Variants in RTL4 observed in about 807,000 individuals in gnomAD.
The protein encoded by RTL4 is retrotransposon Gag like 4, also known as retrotransposon Gag-like protein 4.
Under a neutral mutation model 5.3 loss-of-function variants are expected in RTL4, and 4 were observed. That is an observed-to-expected ratio of 0.75 (90% confidence interval 0.37 to 1.72). The LOEUF (loss-of-function observed/expected upper bound fraction) is 1.72, where lower values mean the gene tolerates loss of function less well. RTL4 is among the 40% of genes most tolerant of loss of function. RTL4 has a pLI of 0.04. For missense variants in RTL4, 260 were observed against 227.1 expected, an observed-to-expected ratio of 1.14 and a Z score of -0.93; for synonymous variants, 98 against 87.3, an observed-to-expected ratio of 1.12 and a Z score of -0.68.
chrX:112,406,514 T>A, the RTL4 span, among the ~76,000 whole-genome samples: 1 of 110,931 alleles, frequency 9.0e-6, no homozygotes, highest in Non-Finnish European at 1.9e-5. Context: ...GCTAAACCAT[T>A]CATGAGAAAC....
chrX:112,283,935 G>A, the RTL4 span, among the ~76,000 whole-genome samples: 1 of 109,811 alleles, frequency 9.1e-6, no homozygotes, highest in Non-Finnish European at 1.9e-5. Context: ...TACCAATCTA[G>A]CACCTACGTA....
chrX:112,124,229 A>G, the RTL4 span, among the ~76,000 whole-genome samples: 10 of 112,084 alleles, frequency 8.9e-5, no homozygotes, highest in Non-Finnish European at 1.9e-4. Context: ...GTGGGAATAT[A>G]AATTAGTCCA....
the RTL4 span, among the ~76,000 whole-genome samples, chrX:112,385,942 G>A: frequency 8.9e-6 from 1 of 111,849 alleles, no homozygotes; most frequent in Non-Finnish European, 1.9e-5. Context: ...GGATTTACTG[G>A]GAAGGGATGT....
At chrX:112,117,240 A>T in the RTL4 span, among the ~76,000 whole-genome samples, 11 of 108,571 alleles carry the variant, frequency 1.0e-4, no homozygotes, top group African/African-American at 3.4e-4. Context: ...CATAATCGTT[A>T]TATGGTAAAT....
At chrX:112,192,077 T>G in the RTL4 span, among the ~76,000 whole-genome samples, 1 of 57,465 alleles carries the variant, frequency 1.7e-5, no homozygotes, top group Admixed American at 1.8e-4. Context: ...ATACTAGGGT[T>G]TTTTTTTTTT....
the RTL4 span, among the ~76,000 whole-genome samples, chrX:112,419,552 G>A: frequency 1.5e-4 from 1 of 6,822 alleles, no homozygotes; most frequent in African/African-American, 2.0e-4. Context: ...TAGAGGCAGG[G>A]TTTCACTATG....
chrX:112,343,325 A>G, the RTL4 span, among the ~76,000 whole-genome samples: 4 of 111,540 alleles, frequency 3.6e-5, no homozygotes, highest in East Asian at 8.5e-4. Flanking sequence ...TCCACTCTTT[A>G]GTGATAGTAG....
chrX:112,456,759 A>C, exon 1 of RTL4: 1 of 141,680 alleles, frequency 7.1e-6, no homozygotes, highest in Non-Finnish European at 1.5e-5. Context: ...CATCTAATTG[A>C]GGATCTTAAA....
chrX:112,330,242 A>T, the RTL4 span, among the ~76,000 whole-genome samples: 1 of 109,133 alleles, frequency 9.2e-6, no homozygotes. Context: ...AGATAACATC[A>T]TTGTATATCT....
At chrX:112,275,740 A>G in the RTL4 span, among the ~76,000 whole-genome samples, 1 of 111,241 alleles carries the variant, frequency 9.0e-6, no homozygotes, top group Non-Finnish European at 1.9e-5. Flanking sequence ...GTTTCAGACC[A>G]GCCTGGACAA....
chrX:112,302,455 C>T, the RTL4 span, among the ~76,000 whole-genome samples: 1 of 111,237 alleles, frequency 9.0e-6, no homozygotes, highest in East Asian at 2.8e-4. Flanking sequence ...CGGTAAATTG[C>T]TATTTTGTTA....
the RTL4 span, among the ~76,000 whole-genome samples, chrX:112,343,138 T>C: frequency 2.7e-5 from 3 of 112,295 alleles, no homozygotes; most frequent in African/African-American, 9.7e-5. Flanking sequence ...GTCTGTCTAT[T>C]ATCATACTGC....
chrX:112,456,780 T>C (rs1908220622), exon 1 of RTL4: 2 of 130,755 alleles, frequency 1.5e-5, no homozygotes, highest in African/African-American at 6.4e-5. Flanking sequence ...AAACAATGAA[T>C]GGCAAAAAAC....
At chrX:112,108,174 AT>A in the RTL4 span, among the ~76,000 whole-genome samples, 2 of 111,581 alleles carry the variant, frequency 1.8e-5, no homozygotes, top group Admixed American at 1.9e-4. Context: ...TAATCTCTCC[AT>A]TAAATTTATC....
At chrX:112,248,720 A>G in the RTL4 span, among the ~76,000 whole-genome samples, 1 of 111,970 alleles carries the variant, frequency 8.9e-6, no homozygotes, top group African/African-American at 3.3e-5. Context: ...TAACTGTCCC[A>G]TGGTGGTTTG....
chrX:112,272,854 T>G, the RTL4 span, among the ~76,000 whole-genome samples: 1 of 111,362 alleles, frequency 9.0e-6, no homozygotes, highest in Admixed American at 9.6e-5. Context: ...GTGTGCCTAT[T>G]GTAAATGCTT....
the RTL4 span, among the ~76,000 whole-genome samples, chrX:112,163,413 G>T: frequency 9.0e-6 from 1 of 111,309 alleles, no homozygotes; most frequent in Non-Finnish European, 1.9e-5. Context: ...TCTGATCAAG[G>T]GGTTGTATTC....
the RTL4 span, among the ~76,000 whole-genome samples, chrX:112,398,199 CT>C: frequency 9.1e-6 from 1 of 110,420 alleles, no homozygotes; most frequent in Non-Finnish European, 1.9e-5. Flanking sequence ...GGAACTGGTG[CT>C]GGTTTTTGTC....
chrX:112,116,020 G>A, the RTL4 span, among the ~76,000 whole-genome samples: 18 of 111,919 alleles, frequency 1.6e-4, no homozygotes, highest in South Asian at 3.8e-4. Flanking sequence ...AGAAGTACAG[G>A]AAAAGTGGAA....
Sources: allele counts gnomAD v4.1 joint callset (sites outside exome capture counted in the v4.1 genomes callset), GRCh38; gene constraint gnomAD v4.1.1; transcripts MANE v1.5; gene names NCBI Gene and HGNC (gene_info 2026-07-23, HGNC 2026-07-21).